Variants in METTL25 observed in about 807,000 individuals in gnomAD.
METTL25 encodes methyltransferase like 25, also known as probable methyltransferase-like protein 25.
METTL25 carries 64 observed loss-of-function variants against 71.6 expected under a neutral mutation model. The observed-to-expected ratio is 0.89, with a 90% CI of 0.73 to 1.10. METTL25 has a LOEUF of 1.10. METTL25 is among the 50% of genes least tolerant of loss of function. The pLI is 0.00. For missense variants in METTL25, 807 were observed against 707.0 expected, an observed-to-expected ratio of 1.14 and a Z score of -1.60; for synonymous variants, 287 against 250.3, an observed-to-expected ratio of 1.15 and a Z score of -1.38.
intron 1 of METTL25, among the ~76,000 whole-genome samples, chr12:82,367,774 C>T (rs1352869239): frequency 6.6e-6 from 1 of 152,122 alleles, no homozygotes; most frequent in Non-Finnish European, 1.5e-5. Flanking sequence ...AGTTCTTCAC[C>T]TTTGGCCTTA....
At chr12:82,367,468 G>T (rs1195734823) in intron 1 of METTL25, among the ~76,000 whole-genome samples, 1 of 152,066 alleles carries the variant, frequency 6.6e-6, no homozygotes. Context: ...TTCTATAAAT[G>T]ACATTATTAT....
intron 9 of METTL25, among the ~76,000 whole-genome samples, chr12:82,457,022 C>T (rs1565880008): frequency 6.6e-6 from 1 of 151,850 alleles, no homozygotes; most frequent in Non-Finnish European, 1.5e-5. Flanking sequence ...CATGTATCTC[C>T]AGAGTTTCCC....
At position 82,474,044 on chromosome 12, in the gene METTL25, T is replaced by A. The variant is rs149237998; in HGVS notation, c.1573-2600T>A. On this transcript the variant is annotated intron_variant, in intron 9 of 11. Coordinates refer to ENST00000248306, the MANE Select transcript of METTL25 (RefSeq NM_032230.3). The stretch of plus-strand genomic sequence containing the variant: ...CTTGGCATACAAGGCTAGGTGGGAG[T>A]GGGGAGTGCGCGCATTGTTCTCCTA... Among the ~76,000 whole-genome samples the A allele has an allele frequency of 5.1e-4, 78 of 151,620 alleles. 3 individuals carry two copies. The East Asian group carries it at 0.015, about 29-fold the overall frequency.
chr12:82,382,680 CATTA>C (rs1161724843), intron 1 of METTL25, among the ~76,000 whole-genome samples: 1 of 152,104 alleles, frequency 6.6e-6, no homozygotes, highest in East Asian at 1.9e-4. Context: ...TTTTCAGAGA[CATTA>C]ATTATTTTAT....
intron 5 of METTL25, among the ~76,000 whole-genome samples, chr12:82,426,354 G>C (rs1422298668): frequency 6.6e-6 from 1 of 151,996 alleles, no homozygotes; most frequent in Non-Finnish European, 1.5e-5. Context: ...GTAACCACGT[G>C]GTGTCCAGAG....
intron 1 of METTL25, among the ~76,000 whole-genome samples, chr12:82,377,113 C>CAAAA (rs796248923): frequency 7.2e-6 from 1 of 138,332 alleles, no homozygotes; most frequent in Admixed American, 7.2e-5. Flanking sequence ...GACTCTGTCT[C>CAAAA]AAAAAAAAAA....
At chr12:82,422,313 T>G (rs1299351523) in intron 5 of METTL25, among the ~76,000 whole-genome samples, 1 of 152,084 alleles carries the variant, frequency 6.6e-6, no homozygotes, top group Admixed American at 6.6e-5. Context: ...ATTATCTCAA[T>G]AGATGCAGAA....
intron 1 of METTL25, among the ~76,000 whole-genome samples, chr12:82,380,977 G>A (rs188953444): frequency 6.6e-6 from 1 of 152,312 alleles, no homozygotes. Context: ...AAAGGCCTGA[G>A]TAAGCTCATT....
chr12:82,379,314 C>G (rs1416584940), intron 1 of METTL25, among the ~76,000 whole-genome samples: 1 of 152,070 alleles, frequency 6.6e-6, no homozygotes, highest in Non-Finnish European at 1.5e-5. Context: ...AATTACTGCA[C>G]TGAAATAAAT....
intron 5 of METTL25, among the ~76,000 whole-genome samples, chr12:82,429,208 A>G (rs921537177): frequency 6.6e-6 from 1 of 151,598 alleles, no homozygotes; most frequent in Non-Finnish European, 1.5e-5. Flanking sequence ...CACAGCACAT[A>G]TACCCCTCCC....
chr12:82,374,470 T>C (rs1226212802), intron 1 of METTL25, among the ~76,000 whole-genome samples: 4 of 152,178 alleles, frequency 2.6e-5, no homozygotes, highest in African/African-American at 9.7e-5. Flanking sequence ...GCGTTTACAG[T>C]CCTGTAGCTA....
At chr12:82,422,301 T>C (rs942404745) in intron 5 of METTL25, among the ~76,000 whole-genome samples, 1 of 152,090 alleles carries the variant, frequency 6.6e-6, no homozygotes, top group Non-Finnish European at 1.5e-5. Context: ...AAAAACCACA[T>C]GATTATCTCA....
intron 1 of METTL25, among the ~76,000 whole-genome samples, chr12:82,361,818 A>T (rs1881966162): frequency 6.6e-6 from 1 of 152,152 alleles, no homozygotes; most frequent in Non-Finnish European, 1.5e-5. Flanking sequence ...CCTCCCTGCA[A>T]GCTGAGAGAG....
intron 5 of METTL25, among the ~76,000 whole-genome samples, chr12:82,406,138 A>G (rs1182600763): frequency 6.6e-6 from 1 of 152,154 alleles, no homozygotes; most frequent in Non-Finnish European, 1.5e-5. Context: ...ATCAGTGCCA[A>G]CTGTGTTCCA....
At chr12:82,419,893 G>A (rs907008046) in intron 5 of METTL25, among the ~76,000 whole-genome samples, 1 of 152,114 alleles carries the variant, frequency 6.6e-6, no homozygotes, top group Non-Finnish European at 1.5e-5. Context: ...ATCGGATCTC[G>A]AAGAGATATC....
At chr12:82,431,777 A>G (rs1238879867) in intron 6 of METTL25, among the ~76,000 whole-genome samples, 1 of 151,694 alleles carries the variant, frequency 6.6e-6, no homozygotes, top group Admixed American at 6.6e-5. Context: ...TGCACTTAAT[A>G]TACCTAACTT....
chr12:82,460,220 C>T (rs961237486), intron 9 of METTL25, among the ~76,000 whole-genome samples: 1 of 152,064 alleles, frequency 6.6e-6, no homozygotes, highest in Non-Finnish European at 1.5e-5. Flanking sequence ...TGTCTAGACC[C>T]CCCTTATATA....
At chr12:82,444,964 A>G (rs1890634686) in intron 8 of METTL25, among the ~76,000 whole-genome samples, 1 of 152,144 alleles carries the variant, frequency 6.6e-6, no homozygotes. Context: ...ACCAGACTCT[A>G]TAGAATTCAG....
In METTL25 at chr12:82,399,209, A is replaced by G. The variant is rs963349541; in HGVS notation, c.946A>G (p.Asn316Asp). 2 of 1,613,386 alleles carry G rather than the reference A, an allele frequency of 1.2e-6. No homozygotes were observed. Among genetic ancestry groups the G allele is most frequent in the South Asian group, 2.2e-5 (2 of 90,992 alleles). ...TTTTGAAAATTCCTTTTCTCTTATAAACCTTTTGCCTATTAATGCTGTAGA... is the reference window on the plus strand; with the variant it reads ...TTTTGAAAATTCCTTTTCTCTTATAGACCTTTTGCCTATTAATGCTGTAGA... ...LCFENSFSLINLLPINAVEPT... is the reference protein window; with the variant it reads ...LCFENSFSLIDLLPINAVEPT... The change falls in exon 4 of 12, where the codon AAC (asparagine) becomes GAC (aspartate). Residue 316 changes from asparagine (N) to aspartate (D), a missense_variant. Coordinates refer to ENST00000248306, the MANE Select transcript of METTL25 (RefSeq NM_032230.3).
Sources: gnomAD v4.1 joint callset for allele counts (sites outside exome capture counted in the v4.1 genomes callset) on GRCh38, gnomAD v4.1.1 for gene constraint, MANE v1.5 for transcripts, NCBI Gene and HGNC (gene_info 2026-07-23, HGNC 2026-07-21) for gene names.